DEPDC1B: variants seen among roughly 807,000 people sequenced by gnomAD.
DEPDC1B encodes DEP domain-containing protein 1B.
A neutral mutation model predicts 66.5 loss-of-function variants in DEPDC1B; 51 were observed. The observed-to-expected ratio is 0.77, with a 90% confidence interval of 0.61 to 0.97. The LOEUF (loss-of-function observed/expected upper bound fraction) is 0.97, where lower values mean the gene tolerates loss of function less well. DEPDC1B is among the 50% of genes least tolerant of loss of function. The pLI is 0.00. For synonymous variants in DEPDC1B, 226 were observed against 223.6 expected (o/e 1.01, Z -0.10); for missense variants, 552 against 637.1 (o/e 0.87, Z 1.44).
chr5:60,608,436 ATATAT>A lies in DEPDC1B; in HGVS notation c.899-2585_899-2581del, dbSNP rs367860548. 3.5e-3 allele frequency among the ~76,000 whole-genome samples: 516 copies of A among 148,498 alleles called. 5 individuals are homozygous for A. Among genetic ancestry groups the A allele is most frequent in the African/African-American group, 0.011 (438 of 40,920 alleles). On this transcript the variant is annotated intron_variant, in intron 7 of 10. Transcript: ENST00000265036. ...TCAAATACCTATTTATCAATAGACT[ATATAT>A]TATATTATATTATATTTATTATATT...
chr5:60,669,613 A>T (rs779372604), intron 2 of DEPDC1B, among the ~76,000 whole-genome samples: 5 of 152,182 alleles, frequency 3.3e-5, no homozygotes, highest in Non-Finnish European at 5.9e-5. Flanking sequence ...ACTGCTAATG[A>T]TTACATTTCA....
chr5:60,645,918 A>G (rs1309243427), intron 3 of DEPDC1B, among the ~76,000 whole-genome samples: 8 of 152,242 alleles, frequency 5.3e-5, no homozygotes, highest in Admixed American at 1.3e-4. Flanking sequence ...CGTTTCAACT[A>G]ATCAGTGAAA....
At chr5:60,664,093 G>A (rs894797239) in intron 2 of DEPDC1B, among the ~76,000 whole-genome samples, 1 of 152,220 alleles carries the variant, frequency 6.6e-6, no homozygotes, top group African/African-American at 2.4e-5. Flanking sequence ...ACCTGAAGCA[G>A]AAGTGGCTTT....
chr5:60,603,599 A>G, intron 8 of DEPDC1B, 32 bp from the exon 9 acceptor site: 6 of 1,540,622 alleles, frequency 3.9e-6, no homozygotes, highest in Non-Finnish European at 5.2e-6. Context: ...GGGTAAACGC[A>G]GATGAGTATT....
chr5:60,684,120 G>C (rs1282297241), intron 2 of DEPDC1B, among the ~76,000 whole-genome samples: 1 of 151,892 alleles, frequency 6.6e-6, no homozygotes, highest in Non-Finnish European at 1.5e-5. Context: ...AAAATGGAAA[G>C]ACATCCCATG....
At chr5:60,670,832 T>C (rs1754018412) in intron 2 of DEPDC1B, among the ~76,000 whole-genome samples, 1 of 152,062 alleles carries the variant, frequency 6.6e-6, no homozygotes, top group Admixed American at 6.5e-5. Flanking sequence ...ACAGGGGACA[T>C]AGTAAGGGTA....
chr5:60,667,861 G>A (rs192892196), intron 2 of DEPDC1B, among the ~76,000 whole-genome samples: 8,465 of 35,866 alleles, frequency 0.24, 2,586 homozygotes, highest in East Asian at 0.54. Flanking sequence ...TTACATATAT[G>A]TAAAAAATGG....
intron 1 of DEPDC1B, among the ~76,000 whole-genome samples, chr5:60,687,444 C>G (rs1754446010): frequency 6.6e-6 from 1 of 151,780 alleles, no homozygotes; most frequent in Non-Finnish European, 1.5e-5. Context: ...TGTGAATGTT[C>G]TTAGTGCCAT....
rs760048542 is a variant in DEPDC1B at position 60,700,127 on chromosome 5, G to C, written c.-34C>G. 2.0e-6 allele frequency: 3 copies of C among 1,535,444 alleles called. No individual in the cohort carries two copies. Among genetic ancestry groups the C allele is most frequent in the Non-Finnish European group, 1.7e-6 (2 of 1,143,926 alleles). The stretch of plus-strand genomic sequence containing the variant: ...GGCAGCAGCGGCCGCAGCCGCGCCA[G>C]CGCTGATCCCCGCCAGCCGGAGGAG... On this transcript the variant is annotated 5_prime_UTR_variant, in exon 1 of 11. Transcript: ENST00000265036.
At chr5:60,667,608 T>TATATATAAAAAATGGATATTTTAC (rs1396456508) in intron 2 of DEPDC1B, among the ~76,000 whole-genome samples, 2 of 140,744 alleles carry the variant, frequency 1.4e-5, no homozygotes, top group African/African-American at 5.6e-5. Flanking sequence ...ATATTTTACA[T>TATATATAAAAAATGGATATTTTAC]ATATATAAAA....
chr5:60,597,616 TAAGGC>T lies in DEPDC1B; in HGVS notation c.*132_*136del. Reference sequence around the variant, plus strand: ...CTAATGGCCAAACATTTTTAAAAACTAAGGCAATCTTTATCTATATTTCAGTAGTC... The same window carrying T: ...CTAATGGCCAAACATTTTTAAAAACTAATCTTTATCTATATTTCAGTAGTC... On this transcript the variant is annotated 3_prime_UTR_variant, in exon 11 of 11. Coordinates refer to ENST00000265036, the MANE Select transcript of DEPDC1B (RefSeq NM_018369.3). 1 of 954,978 alleles carries T rather than the reference TAAGGC, an allele frequency of 1.0e-6. No homozygotes were observed. The highest frequency in any genetic ancestry group is 1.5e-6 in the Non-Finnish European group (1 of 658,338). 59.2% of individuals were successfully genotyped at this position (954,978 alleles called of 1,614,324 possible).
chr5:60,660,146 AGAG>A (rs1164488010), intron 2 of DEPDC1B, among the ~76,000 whole-genome samples: 2 of 151,976 alleles, frequency 1.3e-5, no homozygotes, highest in African/African-American at 2.4e-5. Context: ...AAGGAGATAG[AGAG>A]GAGGAGAGAG....
rs1172564649 is a variant in DEPDC1B, at chr5:60,608,163, A to T, written c.899-2307T>A. On this transcript the variant is annotated intron_variant, in intron 7 of 10. Coordinates refer to ENST00000265036, the MANE Select transcript of DEPDC1B (RefSeq NM_018369.3). ...TGGGGACGTAGCGGTTGAACTGGTA[A>T]TAACTAGTTAAATTCTCTTTCTCCA... Among the ~76,000 whole-genome samples the T allele has an allele frequency of 1.1e-4, 16 of 152,294 alleles. No individual in the cohort carries two copies. The East Asian group carries it at 2.3e-3, about 22-fold the overall frequency.
intron 7 of DEPDC1B, among the ~76,000 whole-genome samples, chr5:60,634,443 C>T (rs10057641): frequency 6.6e-6 from 1 of 152,070 alleles, no homozygotes; most frequent in African/African-American, 2.4e-5. Flanking sequence ...GAGGCCGAGG[C>T]GGGCGGATCA....
At chr5:60,635,062 G>C (rs1413758842) in intron 7 of DEPDC1B, among the ~76,000 whole-genome samples, 1 of 76,010 alleles carries the variant, frequency 1.3e-5, no homozygotes, top group Non-Finnish European at 2.8e-5. Flanking sequence ...TCCATCTCAA[G>C]AGAAAAAAAA....
chr5:60,614,011 C>G (rs1171661918), intron 7 of DEPDC1B, among the ~76,000 whole-genome samples: 1 of 152,190 alleles, frequency 6.6e-6, no homozygotes, highest in African/African-American at 2.4e-5. Flanking sequence ...TCAAGTCTTA[C>G]AGGAACCATT....
chr5:60,663,205 A>G (rs1452537550), intron 2 of DEPDC1B, among the ~76,000 whole-genome samples: 1 of 152,126 alleles, frequency 6.6e-6, no homozygotes, highest in East Asian at 1.9e-4. Context: ...ATGAGCAAAC[A>G]ATGCCCGTCC....
At chr5:60,657,963 T>C (rs1397252536) in intron 2 of DEPDC1B, among the ~76,000 whole-genome samples, 3 of 152,202 alleles carry the variant, frequency 2.0e-5, no homozygotes, top group African/African-American at 7.2e-5. Context: ...TAATCCCAAA[T>C]TTCTTTGAGG....
At chr5:60,667,304 G>T (rs1753864216) in intron 2 of DEPDC1B, among the ~76,000 whole-genome samples, 1 of 151,456 alleles carries the variant, frequency 6.6e-6, no homozygotes, top group African/African-American at 2.4e-5. Context: ...AAAAAAGAAA[G>T]ATCTTTGTAA....
Sources: allele counts gnomAD v4.1 joint callset (sites outside exome capture counted in the v4.1 genomes callset), GRCh38; gene constraint gnomAD v4.1.1; transcripts MANE v1.5; gene names NCBI Gene and HGNC (gene_info 2026-07-23, HGNC 2026-07-21).